The following PDE11A variants were observed in gnomAD, a reference collection of about 807,000 sequenced individuals.
PDE11A encodes dual 3',5'-cyclic-AMP and -GMP phosphodiesterase 11A.
PDE11A carries 100 observed loss-of-function variants against 100.5 expected under a neutral mutation model. That is an observed-to-expected ratio of 1.00 (90% confidence interval 0.85 to 1.18). The LOEUF is 1.18. PDE11A is among the 50% of genes most tolerant of loss of function. The pLI is 0.00. For missense variants in PDE11A, 1,141 were observed against 1,152.6 expected, an observed-to-expected ratio of 0.99 and a Z score of 0.15; for synonymous variants, 381 against 420.8, an observed-to-expected ratio of 0.91 and a Z score of 1.16.
At chr2:177,870,464 T>C (rs1452262875) in intron 5 of PDE11A, among the ~76,000 whole-genome samples, 1 of 152,184 alleles carries the variant, frequency 6.6e-6, no homozygotes, top group African/African-American at 2.4e-5. Flanking sequence ...GCACAGGCAA[T>C]AGCTGTGTCA....
At chr2:177,873,289 T>C (rs938396731) in intron 5 of PDE11A, among the ~76,000 whole-genome samples, 6 of 152,160 alleles carry the variant, frequency 3.9e-5, no homozygotes, top group Non-Finnish European at 7.4e-5. Flanking sequence ...ATATAACTTA[T>C]ATGAGGTCAT....
At chr2:177,997,237 C>T (rs2086087117) in intron 2 of PDE11A, 7 of 1,290,064 alleles carry the variant, frequency 5.4e-6, no homozygotes, top group Non-Finnish European at 7.9e-6. Flanking sequence ...TGTGCCCCAA[C>T]CTCGGCCCCC....
At chr2:177,711,276 G>C (rs2081356326) in intron 13 of PDE11A, among the ~76,000 whole-genome samples, 1 of 152,198 alleles carries the variant, frequency 6.6e-6, no homozygotes, top group Non-Finnish European at 1.5e-5. Context: ...AATGGGAGGA[G>C]CAAAAACTAT....
At chr2:177,920,790 C>T (rs548117627) in intron 2 of PDE11A, among the ~76,000 whole-genome samples, 97 of 152,176 alleles carry the variant, frequency 6.4e-4, no homozygotes, top group African/African-American at 2.2e-3. Flanking sequence ...GGGCCAGGCG[C>T]GGTCGCTCAT....
chr2:177,859,818 G>T (rs1395421001), intron 5 of PDE11A, among the ~76,000 whole-genome samples: 1 of 151,660 alleles, frequency 6.6e-6, no homozygotes, highest in Non-Finnish European at 1.5e-5. Flanking sequence ...CAAAAAGTTT[G>T]GGAAATTCAC....
At chr2:177,681,288 A>C (rs9677970) in intron 15 of PDE11A, among the ~76,000 whole-genome samples, 17,877 of 152,250 alleles carry the variant, frequency 0.12, 1,303 homozygotes, top group Middle Eastern at 0.21. Context: ...CATCCAACAA[A>C]GAATTGAGCT....
intron 2 of PDE11A, among the ~76,000 whole-genome samples, chr2:177,986,912 G>A (rs987785489): frequency 6.6e-6 from 1 of 151,758 alleles, no homozygotes; most frequent in Non-Finnish European, 1.5e-5. Flanking sequence ...TGCATGTAGA[G>A]TGCTTAGAAT....
At chr2:177,995,460 G>A (rs770740999) in intron 2 of PDE11A, among the ~76,000 whole-genome samples, 2 of 152,100 alleles carry the variant, frequency 1.3e-5, no homozygotes, top group Non-Finnish European at 1.5e-5. Context: ...ACCTGCTTTG[G>A]AATCACAAAC....
intron 4 of PDE11A, among the ~76,000 whole-genome samples, chr2:177,895,485 T>C (rs1286174879): frequency 1.4e-5 from 2 of 147,420 alleles, no homozygotes; most frequent in Non-Finnish European, 3.0e-5. Flanking sequence ...ACCCAGGAGG[T>C]GGAGGTTTCA....
At chr2:178,005,560 A>G (rs1046012005) in intron 2 of PDE11A, among the ~76,000 whole-genome samples, 1 of 152,152 alleles carries the variant, frequency 6.6e-6, no homozygotes, top group African/African-American at 2.4e-5. Flanking sequence ...TCTGTTTTTT[A>G]TCACTAGAAT....
At chr2:178,069,505 T>TTTCCC (rs1469938204) in intron 1 of PDE11A, among the ~76,000 whole-genome samples, 1 of 151,984 alleles carries the variant, frequency 6.6e-6, no homozygotes, top group Non-Finnish European at 1.5e-5. Context: ...ATACAGCACG[T>TTTCCC]TTCCCCTACC....
At chr2:177,750,359 T>G (rs762728650) in intron 10 of PDE11A, among the ~76,000 whole-genome samples, 56 of 152,270 alleles carry the variant, frequency 3.7e-4, no homozygotes, top group Non-Finnish European at 2.8e-4. Context: ...TTAAAGTGAC[T>G]TGCTCTTTGG....
intron 2 of PDE11A, among the ~76,000 whole-genome samples, chr2:177,959,650 T>C (rs1044957708): frequency 6.6e-5 from 10 of 152,148 alleles, no homozygotes; most frequent in East Asian, 1.9e-4. Context: ...GGTTGAACAA[T>C]TGGGGGAATG....
At chr2:177,714,666 A>G (rs907030181) in intron 12 of PDE11A, among the ~76,000 whole-genome samples, 24 of 152,122 alleles carry the variant, frequency 1.6e-4, no homozygotes, top group South Asian at 1.2e-3. Context: ...CTATATTACC[A>G]TCCTATAAAT....
At chr2:177,704,202 C>T (rs994139293) in intron 13 of PDE11A, among the ~76,000 whole-genome samples, 2 of 152,148 alleles carry the variant, frequency 1.3e-5, no homozygotes, top group African/African-American at 4.8e-5. Flanking sequence ...CATGTTCTGA[C>T]CTTCAGGAAG....
At chr2:177,795,585 C>T (rs2082694779) in intron 9 of PDE11A, among the ~76,000 whole-genome samples, 1 of 152,042 alleles carries the variant, frequency 6.6e-6, no homozygotes. Flanking sequence ...TTCTGAAATG[C>T]CTTCTTGGGT....
intron 19 of PDE11A, among the ~76,000 whole-genome samples, chr2:177,631,088 A>C (rs1187921315): frequency 6.6e-6 from 1 of 151,496 alleles, no homozygotes; most frequent in Admixed American, 6.6e-5. Flanking sequence ...AACTCAAGAG[A>C]TAGACACTAC....
At chr2:177,682,254 T>C (rs962226167) in intron 15 of PDE11A, among the ~76,000 whole-genome samples, 1 of 152,216 alleles carries the variant, frequency 6.6e-6, no homozygotes, top group African/African-American at 2.4e-5. Context: ...CACTTCAAGA[T>C]GTTCCGCCTT....
At chr2:178,100,711 AAAT>A (rs1373110076) in intron 2 of PDE11A, among the ~76,000 whole-genome samples, 1 of 152,180 alleles carries the variant, frequency 6.6e-6, no homozygotes, top group Non-Finnish European at 1.5e-5. Flanking sequence ...TCTAATTCTT[AAAT>A]AATATTAAAC....
Sources: allele counts gnomAD v4.1 joint callset (sites outside exome capture counted in the v4.1 genomes callset), GRCh38; gene constraint gnomAD v4.1.1; transcripts MANE v1.5; gene names NCBI Gene and HGNC (gene_info 2026-07-23, HGNC 2026-07-21).